NAALADL2: variants seen among roughly 807,000 people sequenced by gnomAD.
NAALADL2 encodes the protein N-acetylated alpha-linked acidic dipeptidase like 2.
A neutral mutation model predicts 87.2 loss-of-function variants in NAALADL2; 76 were observed. The observed-to-expected ratio is 0.87, with a 90% CI of 0.72 to 1.05. The LOEUF is 1.05. Ranked by LOEUF, NAALADL2 falls within the 50% of genes least tolerant of loss-of-function variation. The pLI is 0.00. For synonymous variants in NAALADL2, 354 were observed against 331.0 expected (o/e 1.07, Z -0.75); for missense variants, 1,089 against 945.8 (o/e 1.15, Z -1.99).
At chr3:175,556,379 A>G (rs1326669047) in intron 9 of NAALADL2, among the ~76,000 whole-genome samples, 1 of 152,114 alleles carries the variant, frequency 6.6e-6, no homozygotes, top group Non-Finnish European at 1.5e-5. Flanking sequence ...TGACTATAAT[A>G]CCCAAATTAC....
chr3:175,159,788 C>T (rs947176785), intron 2 of NAALADL2, among the ~76,000 whole-genome samples: 1 of 151,722 alleles, frequency 6.6e-6, no homozygotes, highest in East Asian at 1.9e-4. Context: ...TCCCTCCCTC[C>T]CTGCCTCCCT....
chr3:175,081,912 AT>A (rs1359353750), intron 1 of NAALADL2, among the ~76,000 whole-genome samples: 1 of 152,178 alleles, frequency 6.6e-6, no homozygotes, highest in East Asian at 1.9e-4. Context: ...GGCAATGATG[AT>A]TGGGAGCCAT....
chr3:175,067,870 A>G (rs56794244), intron 1 of NAALADL2, among the ~76,000 whole-genome samples: 14,716 of 152,210 alleles, frequency 0.097, 1,597 homozygotes, highest in African/African-American at 0.27. Flanking sequence ...TAGGATAAAG[A>G]AAATGTGGTA....
chr3:174,654,056 G>A (rs1724646286), intron 2 of NAALADL2, among the ~76,000 whole-genome samples: 1 of 138,152 alleles, frequency 7.2e-6, no homozygotes. Flanking sequence ...GTAATAAGAT[G>A]GCTTTGTGTG....
At chr3:174,447,968 C>G (rs1715180688) in intron 1 of NAALADL2, among the ~76,000 whole-genome samples, 1 of 152,058 alleles carries the variant, frequency 6.6e-6, no homozygotes, top group Non-Finnish European at 1.5e-5. Context: ...CATCAAAATA[C>G]TTATTATTGC....
At chr3:174,678,973 G>A (rs1227826721) in intron 2 of NAALADL2, among the ~76,000 whole-genome samples, 3 of 151,786 alleles carry the variant, frequency 2.0e-5, no homozygotes, top group African/African-American at 7.3e-5. Context: ...CTTTCTTTTT[G>A]TTCTGCAGAT....
At chr3:175,276,594 C>G (rs1753633084) in intron 4 of NAALADL2, among the ~76,000 whole-genome samples, 1 of 152,126 alleles carries the variant, frequency 6.6e-6, no homozygotes, top group Admixed American at 6.5e-5. Context: ...TGAGCCACCA[C>G]ACCCAGCCTG....
At chr3:174,931,097 A>G (rs565463819) in intron 1 of NAALADL2, among the ~76,000 whole-genome samples, 6 of 152,268 alleles carry the variant, frequency 3.9e-5, no homozygotes, top group African/African-American at 9.6e-5. Flanking sequence ...TATTTCTTCT[A>G]CTAAACAAGT....
intron 3 of NAALADL2, among the ~76,000 whole-genome samples, chr3:174,786,622 C>G (rs1291247856): frequency 1.3e-5 from 2 of 151,388 alleles, no homozygotes; most frequent in African/African-American, 2.4e-5. Context: ...CTTTTTTTGT[C>G]TAAGAAACCA....
At position 175,245,915 on chromosome 3, in the gene NAALADL2, G is replaced by T. The variant is rs114138775; in HGVS notation, c.820-10496G>T. Among the ~76,000 whole-genome samples the T allele has an allele frequency of 6.2e-3, 936 of 152,156 alleles. 13 individuals carry two copies. The highest frequency in any genetic ancestry group is 0.022 in the African/African-American group (895 of 41,512). ...TCTTATGCCAACCCTTGTCTAATTG[G>T]TCTTAACTGGAACACTATTTTGATA... On this transcript the variant is annotated intron_variant, in intron 3 of 13. Transcript: ENST00000454872.
intron 13 of NAALADL2, among the ~76,000 whole-genome samples, chr3:175,801,351 AGGCCCT>A (rs1754122959): frequency 6.6e-6 from 1 of 152,196 alleles, no homozygotes; most frequent in Non-Finnish European, 1.5e-5. Context: ...TTGGTTTACC[AGGCCCT>A]GTATGATATG....
intron 10 of NAALADL2, among the ~76,000 whole-genome samples, chr3:175,585,018 C>CT (rs201205088): frequency 1.3e-5 from 2 of 151,736 alleles, no homozygotes; most frequent in Non-Finnish European, 2.9e-5. Flanking sequence ...ACTTTGTAAA[C>CT]TTTTTTTTAA....
rs768933743 is a variant in NAALADL2 at position 174,890,044 on chromosome 3, G to C, written c.43+30594G>C. Among the ~76,000 whole-genome samples the C allele has an allele frequency of 1.1e-4, 17 of 152,312 alleles. No homozygotes were observed. The South Asian group carries it at 3.3e-3, about 30-fold the overall frequency. ...TGAGTTCAGGCCATGGTTCCAAATT[G>C]TAGGGGAGCTAGAGACCATGAATGT... On this transcript the variant is annotated intron_variant, in intron 1 of 13. Transcript: ENST00000454872.
In NAALADL2 at chr3:175,445,012, C is replaced by T. The variant is rs150707617; in HGVS notation, c.1091-2217C>T. Among the ~76,000 whole-genome samples, 325 of 152,252 alleles carry T rather than the reference C, an allele frequency of 2.1e-3. 3 individuals carry two copies. The highest frequency in any genetic ancestry group is 7.5e-3 in the African/African-American group (311 of 41,534). On this transcript the variant is annotated intron_variant, in intron 5 of 13. Transcript: ENST00000454872. ...TAGCCTGGATACCAGTATCATCAAG[C>T]TCTGCGCCCTCTGAAGTCCCGTCAA...
intron 11 of NAALADL2, among the ~76,000 whole-genome samples, chr3:175,695,224 T>A (rs190789599): frequency 6.6e-6 from 1 of 152,350 alleles, no homozygotes; most frequent in East Asian, 1.9e-4. Context: ...TCTGTTTTTC[T>A]ACTCCTTCCA....
At chr3:174,991,866 C>T (rs1246700674) in intron 1 of NAALADL2, among the ~76,000 whole-genome samples, 3 of 151,888 alleles carry the variant, frequency 2.0e-5, no homozygotes, top group Admixed American at 6.6e-5. Context: ...GGAAAGGTAA[C>T]GTTTGTATGA....
chr3:174,534,855 T>G (rs571893336), intron 1 of NAALADL2, among the ~76,000 whole-genome samples: 2 of 152,110 alleles, frequency 1.3e-5, no homozygotes, highest in Non-Finnish European at 2.9e-5. Context: ...GCCGACAGTG[T>G]TTTTTGGAGA....
intron 2 of NAALADL2, among the ~76,000 whole-genome samples, chr3:174,568,040 A>G (rs1414054950): frequency 6.6e-6 from 1 of 151,774 alleles, no homozygotes; most frequent in African/African-American, 2.4e-5. Context: ...CAGTAGAATT[A>G]TGATGTAGGT....
chr3:174,965,628 TATATG>T (rs1307956294), intron 1 of NAALADL2, among the ~76,000 whole-genome samples: 1 of 152,086 alleles, frequency 6.6e-6, no homozygotes, highest in Admixed American at 6.6e-5. Flanking sequence ...ATTTTGTGCT[TATATG>T]AAGGAAAAAA....
Sources: gnomAD v4.1 joint callset for allele counts (sites outside exome capture counted in the v4.1 genomes callset) on GRCh38, gnomAD v4.1.1 for gene constraint, MANE v1.5 for transcripts, NCBI Gene and HGNC (gene_info 2026-07-23, HGNC 2026-07-21) for gene names.